CDKAL1: variants seen among roughly 807,000 people sequenced by gnomAD.
The protein encoded by CDKAL1 is CDKAL1 threonylcarbamoyladenosine tRNA methylthiotransferase, also known as threonylcarbamoyladenosine tRNA methylthiotransferase.
CDKAL1 carries 32 observed loss-of-function variants against 68.2 expected under a neutral mutation model. That is an observed-to-expected ratio of 0.47 (90% CI 0.35 to 0.63). CDKAL1 has a LOEUF of 0.63. Ranked by LOEUF, CDKAL1 falls within the 30% of genes least tolerant of loss-of-function variation. The pLI is 0.00. For missense variants in CDKAL1, 606 were observed against 696.7 expected (o/e 0.87, Z 1.47); for synonymous variants, 234 against 244.3 (o/e 0.96, Z 0.39).
chr6:21,066,364 A>G (rs1001263231), intron 12 of CDKAL1, among the ~76,000 whole-genome samples: 28 of 152,302 alleles, frequency 1.8e-4, no homozygotes, highest in Middle Eastern at 3.4e-3. Context: ...CAATGAAAAA[A>G]AAGCAGATTG....
chr6:20,566,044 A>G (rs1406818468), intron 4 of CDKAL1, among the ~76,000 whole-genome samples: 1 of 152,064 alleles, frequency 6.6e-6, no homozygotes, highest in African/African-American at 2.4e-5. Context: ...AAGTGTCCCA[A>G]AAATGGTTTT....
intron 9 of CDKAL1, 106 bp from the exon 10 acceptor site, chr6:20,955,313 C>T: frequency 7.9e-6 from 9 of 1,140,106 alleles, no homozygotes; most frequent in Non-Finnish European, 1.2e-5. Flanking sequence ...ACCCAGACTG[C>T]CTGAATAATA....
Position 20,980,274 on chromosome 6 carries a change from G to T in CDKAL1, c.910-19953G>T, listed in dbSNP as rs57182024. Among the ~76,000 whole-genome samples, 1,396 of 152,080 alleles carry T rather than the reference G, an allele frequency of 9.2e-3. 18 individuals are homozygous for T. Among genetic ancestry groups the T allele is most frequent in the African/African-American group, 0.03 (1,255 of 41,462 alleles). On this transcript the variant is annotated intron_variant, in intron 10 of 15. Transcript: ENST00000274695. The stretch of plus-strand genomic sequence containing the variant: ...TTTTTTTGAGACGCAGTCTCGTTCT[G>T]TCGCCCAGGCTGGAGTGCAGTGGCG...
At chr6:21,003,371 T>C (rs13191676) in intron 11 of CDKAL1, among the ~76,000 whole-genome samples, 2,364 of 48,966 alleles carry the variant, frequency 0.048, 266 homozygotes, top group African/African-American at 0.16. Flanking sequence ...TATATATATA[T>C]ACACACACAC....
At chr6:21,147,350 C>T (rs1393583020) in intron 13 of CDKAL1, among the ~76,000 whole-genome samples, 3 of 152,278 alleles carry the variant, frequency 2.0e-5, no homozygotes, top group Admixed American at 6.5e-5. Context: ...TCATCCAAAA[C>T]GTAACACCCG....
chr6:20,784,844 T>A (rs961757007), intron 8 of CDKAL1, among the ~76,000 whole-genome samples: 1 of 152,200 alleles, frequency 6.6e-6, no homozygotes, highest in Non-Finnish European at 1.5e-5. Flanking sequence ...TGAGTTCTTG[T>A]TGCTGTACAT....
At chr6:21,156,033 G>A (rs143320441) in intron 13 of CDKAL1, among the ~76,000 whole-genome samples, 83 of 152,192 alleles carry the variant, frequency 5.5e-4, no homozygotes, top group East Asian at 3.9e-4. Context: ...GGAGGGGAGC[G>A]TTCACTGATA....
intron 10 of CDKAL1, among the ~76,000 whole-genome samples, chr6:20,959,548 C>CT (rs752785251): frequency 0.04 from 5,738 of 143,900 alleles, 146 homozygotes; most frequent in African/African-American, 0.078. Flanking sequence ...TCCTCTATAT[C>CT]TTTTTTTTTT....
intron 5 of CDKAL1, among the ~76,000 whole-genome samples, chr6:20,653,758 G>A (rs1169668161): frequency 6.6e-6 from 1 of 152,090 alleles, no homozygotes; most frequent in African/African-American, 2.4e-5. Flanking sequence ...GGGATTACAG[G>A]CGTGCACCAC....
Position 20,846,189 on chromosome 6 carries a change from C to A in CDKAL1, c.742+11C>A. ...AACAATCTTTTCAAGGTAAGAGTTT[C>A]TAGAATTATATGTGAAATTAGTCTT... On this transcript the variant is annotated intron_variant, in intron 9 of 15. Transcript: ENST00000274695. 6.7e-7 allele frequency: 1 copy of A among 1,503,508 alleles called. No homozygotes were observed. Among genetic ancestry groups the A allele is most frequent in the South Asian group, 1.2e-5 (1 of 86,860 alleles). 93.1% of individuals were successfully genotyped at this position (1,503,508 alleles called of 1,614,324 possible).
In CDKAL1 at chr6:20,984,682, G is replaced by A. The variant is rs141308817; in HGVS notation, c.910-15545G>A. 4.3e-4 allele frequency among the ~76,000 whole-genome samples: 65 copies of A among 152,158 alleles called. 1 individual carries two copies. The highest frequency in any genetic ancestry group is 1.4e-3 in the African/African-American group (59 of 41,488). On this transcript the variant is annotated intron_variant, in intron 10 of 15. Transcript: ENST00000274695. Reference sequence around the variant, plus strand: ...GGATTGGGAAGGTAATCTCCTCTCCGAAGCTACGCCTTCAAGCTGTCCCTC... The same window carrying A: ...GGATTGGGAAGGTAATCTCCTCTCCAAAGCTACGCCTTCAAGCTGTCCCTC...
intron 5 of CDKAL1, among the ~76,000 whole-genome samples, chr6:20,717,974 A>G (rs1772174702): frequency 6.6e-6 from 1 of 152,198 alleles, no homozygotes; most frequent in African/African-American, 2.4e-5. Context: ...TGTTGAGCAT[A>G]ATCCCTTGCA....
chr6:20,908,186 A>T (rs200059659), intron 9 of CDKAL1, among the ~76,000 whole-genome samples: 8 of 151,720 alleles, frequency 5.3e-5, no homozygotes, highest in Admixed American at 5.3e-4. Flanking sequence ...CTGAAAGTTG[A>T]TTTTTTTTTC....
chr6:21,144,303 A>G (rs922799810), intron 13 of CDKAL1, among the ~76,000 whole-genome samples: 1 of 152,220 alleles, frequency 6.6e-6, no homozygotes, highest in African/African-American at 2.4e-5. Flanking sequence ...GTCAAATGCA[A>G]TAGAGCTTAG....
At chr6:20,971,444 C>T (rs924370381) in intron 10 of CDKAL1, among the ~76,000 whole-genome samples, 1 of 152,102 alleles carries the variant, frequency 6.6e-6, no homozygotes, top group Admixed American at 6.5e-5. Flanking sequence ...AAAAGATAAT[C>T]AAACTTAAAA....
chr6:21,160,131 G>A (rs1242987008), intron 13 of CDKAL1, among the ~76,000 whole-genome samples: 2 of 152,026 alleles, frequency 1.3e-5, no homozygotes, highest in African/African-American at 4.8e-5. Context: ...AAGCATATTC[G>A]TGGTCCACAT....
At chr6:20,636,800 G>T (rs1290729343) in intron 4 of CDKAL1, among the ~76,000 whole-genome samples, 2 of 152,214 alleles carry the variant, frequency 1.3e-5, no homozygotes, top group Non-Finnish European at 2.9e-5. Context: ...ACTTTGGGAG[G>T]CCGAGGCGGG....
intron 10 of CDKAL1, among the ~76,000 whole-genome samples, chr6:20,972,776 G>A (rs1273155165): frequency 6.6e-6 from 1 of 152,182 alleles, no homozygotes; most frequent in Non-Finnish European, 1.5e-5. Flanking sequence ...ATTGTTGATT[G>A]TTTGCTGTCA....
At chr6:21,112,102 G>A (rs1057407049) in intron 13 of CDKAL1, among the ~76,000 whole-genome samples, 2 of 152,006 alleles carry the variant, frequency 1.3e-5, no homozygotes, top group African/African-American at 2.4e-5. Context: ...TCACGGGTAA[G>A]TTAGAGTAGG....
Sources: allele counts gnomAD v4.1 joint callset (sites outside exome capture counted in the v4.1 genomes callset), GRCh38; gene constraint gnomAD v4.1.1; transcripts MANE v1.5; gene names NCBI Gene and HGNC (gene_info 2026-07-23, HGNC 2026-07-21).